Variants in SPATA13 observed in about 807,000 individuals in gnomAD.
SPATA13 encodes the protein spermatogenesis-associated protein 13.
Under a neutral mutation model 104.0 loss-of-function variants are expected in SPATA13, and 50 were observed. That is an observed-to-expected ratio of 0.48 (90% CI 0.38 to 0.61). The LOEUF (loss-of-function observed/expected upper bound fraction) is 0.61. Ranked by LOEUF, SPATA13 falls within the 20% of genes least tolerant of loss-of-function variation. SPATA13 has a pLI of 0.00. For synonymous variants in SPATA13, 606 were observed against 667.5 expected (o/e 0.91, Z 1.42); for missense variants, 1,524 against 1,690.6 (o/e 0.90, Z 1.73).
intron 10 of SPATA13, 36 bp downstream of exon 10, chr13:24,294,904 T>G: frequency 6.3e-7 from 1 of 1,585,414 alleles, no homozygotes; most frequent in Non-Finnish European, 8.6e-7. Context: ...CCCATGCCAC[T>G]CGCCCTTCCC....
At chr13:24,196,401 T>C (rs1470240456) in intron 1 of SPATA13, among the ~76,000 whole-genome samples, 1 of 152,244 alleles carries the variant, frequency 6.6e-6, no homozygotes, top group Non-Finnish European at 1.5e-5. Context: ...AATAAAGCCT[T>C]AAATTATATA....
At chr13:24,009,923 T>G (rs944144744) in intron 2 of SPATA13, among the ~76,000 whole-genome samples, 7 of 152,198 alleles carry the variant, frequency 4.6e-5, no homozygotes, top group Non-Finnish European at 8.8e-5. Context: ...AGAGGAGACA[T>G]CCATTCAGAT....
chr13:24,135,260 G>A (rs1030131551), intron 3 of SPATA13, among the ~76,000 whole-genome samples: 3 of 152,096 alleles, frequency 2.0e-5, no homozygotes, highest in Non-Finnish European at 2.9e-5. Context: ...TTCCTCTGAT[G>A]TGCAATAATT....
intron 3 of SPATA13, among the ~76,000 whole-genome samples, chr13:24,140,859 T>A (rs938301385): frequency 6.6e-6 from 1 of 152,230 alleles, no homozygotes; most frequent in Non-Finnish European, 1.5e-5. Flanking sequence ...CTGTTTCATA[T>A]AATCGTAAAG....
At chr13:24,189,469 A>C (rs1869371618) in intron 1 of SPATA13, among the ~76,000 whole-genome samples, 2 of 90,122 alleles carry the variant, frequency 2.2e-5, no homozygotes, top group African/African-American at 3.1e-5. Context: ...GCGAGACTCC[A>C]TCTCTCTCTC....
At chr13:24,259,837 G>A (rs1315093188) in intron 4 of SPATA13, among the ~76,000 whole-genome samples, 1 of 152,104 alleles carries the variant, frequency 6.6e-6, no homozygotes, top group Non-Finnish European at 1.5e-5. Flanking sequence ...TTTCTTTAGA[G>A]ACAGAGTCTC....
intron 3 of SPATA13, among the ~76,000 whole-genome samples, chr13:24,141,951 T>C (rs1881777008): frequency 6.6e-6 from 1 of 152,182 alleles, no homozygotes; most frequent in Non-Finnish European, 1.5e-5. Flanking sequence ...TGTTGCTGTT[T>C]ACTCACCTCA....
At chr13:24,194,505 A>G (rs1485637598) in intron 1 of SPATA13, among the ~76,000 whole-genome samples, 2 of 152,182 alleles carry the variant, frequency 1.3e-5, no homozygotes, top group Non-Finnish European at 2.9e-5. Context: ...CTGGAGAGGT[A>G]GGATGCATGC....
intron 2 of SPATA13, among the ~76,000 whole-genome samples, chr13:24,233,922 C>G (rs1375762381): frequency 1.4e-5 from 2 of 139,104 alleles, no homozygotes; most frequent in Non-Finnish European, 3.1e-5. Context: ...CACACACACA[C>G]ACACACTGAT....
chr13:24,136,144 T>C (rs1260672406), intron 3 of SPATA13, among the ~76,000 whole-genome samples: 2 of 152,218 alleles, frequency 1.3e-5, no homozygotes, highest in Non-Finnish European at 2.9e-5. Flanking sequence ...TCTGAGTTTC[T>C]GAATGGTCTT....
chr13:24,268,549 A>G (rs898713500), intron 4 of SPATA13, among the ~76,000 whole-genome samples: 1 of 151,986 alleles, frequency 6.6e-6, no homozygotes, highest in African/African-American at 2.4e-5. Flanking sequence ...ACCTGAGGTC[A>G]GGAGTTTGAG....
At chr13:24,095,796 C>T (rs4296126) in intron 3 of SPATA13, among the ~76,000 whole-genome samples, 106,066 of 152,066 alleles carry the variant, frequency 0.7, 39,226 homozygotes, top group Non-Finnish European at 0.8. Flanking sequence ...GCAATCCCAG[C>T]GAAGTGCTTT....
chr13:24,010,713 C>G (rs1416810388), intron 2 of SPATA13, among the ~76,000 whole-genome samples: 1 of 152,072 alleles, frequency 6.6e-6, no homozygotes, highest in Non-Finnish European at 1.5e-5. Flanking sequence ...TTCCTCCCCA[C>G]TCCTCCCTCC....
chr13:24,145,549 A>T (rs1193598406), intron 3 of SPATA13, among the ~76,000 whole-genome samples: 1 of 152,222 alleles, frequency 6.6e-6, no homozygotes, highest in African/African-American at 2.4e-5. Flanking sequence ...CAGTAAGAAG[A>T]GTCAGAGGGG....
intron 3 of SPATA13, among the ~76,000 whole-genome samples, chr13:24,046,579 T>C (rs900213268): frequency 6.9e-6 from 1 of 145,900 alleles, no homozygotes; most frequent in African/African-American, 2.7e-5. Context: ...TTTCACTCAA[T>C]ATGTTTGCAA....
At chr13:24,029,006 C>T (rs1408260087) in intron 3 of SPATA13, among the ~76,000 whole-genome samples, 2 of 151,980 alleles carry the variant, frequency 1.3e-5, no homozygotes, top group Non-Finnish European at 2.9e-5. Context: ...TCTTTCTGCT[C>T]TCTTTTGTTT....
intron 4 of SPATA13, chr13:24,254,562 T>C (rs1382359631): frequency 6.6e-6 from 1 of 152,324 alleles, no homozygotes; most frequent in Non-Finnish European, 1.5e-5. Context: ...TGCGACAGGA[T>C]AGGGGCCTTC....
At chr13:24,112,942 A>G (rs1880694932) in intron 3 of SPATA13, among the ~76,000 whole-genome samples, 1 of 152,178 alleles carries the variant, frequency 6.6e-6, no homozygotes, top group East Asian at 1.9e-4. Context: ...ACTGATTTAT[A>G]ATTCATTCTA....
chr13:24,038,073 A>T (rs193012790), intron 3 of SPATA13, among the ~76,000 whole-genome samples: 1 of 151,670 alleles, frequency 6.6e-6, no homozygotes, highest in South Asian at 2.1e-4. Flanking sequence ...CACCATGCCC[A>T]GCTAATTTTT....
Sources: allele counts gnomAD v4.1 joint callset (sites outside exome capture counted in the v4.1 genomes callset), GRCh38; gene constraint gnomAD v4.1.1; transcripts MANE v1.5; gene names NCBI Gene and HGNC (gene_info 2026-07-23, HGNC 2026-07-21).